Variants in EPM2A observed in about 807,000 individuals in gnomAD.
The protein encoded by EPM2A is laforin.
A neutral mutation model predicts 26.5 loss-of-function variants in EPM2A; 21 were observed. That is an observed-to-expected ratio of 0.79 (90% CI 0.56 to 1.14). The LOEUF is 1.14. EPM2A is among the 50% of genes most tolerant of loss of function. The pLI, the probability that EPM2A is intolerant of heterozygous loss-of-function variation, is 0.00. For missense variants in EPM2A, 458 were observed against 440.8 expected (o/e 1.04, Z -0.35); for synonymous variants, 217 against 177.6 (o/e 1.22, Z -1.76).
At chr6:145,615,752 ACT>A (rs1261289435) in intron 2 of EPM2A, among the ~76,000 whole-genome samples, 1 of 151,758 alleles carries the variant, frequency 6.6e-6, no homozygotes, top group Non-Finnish European at 1.5e-5. Context: ...AGTAAAGGTG[ACT>A]CTTGCTATGT....
intron 2 of EPM2A, among the ~76,000 whole-genome samples, chr6:145,502,977 A>G (rs1779914538): frequency 6.6e-6 from 1 of 152,212 alleles, no homozygotes; most frequent in Admixed American, 6.5e-5. Context: ...AAATGAAAGG[A>G]CAATTAATTT....
chr6:145,702,540 T>C (rs963956848), intron 1 of EPM2A, among the ~76,000 whole-genome samples: 2 of 152,170 alleles, frequency 1.3e-5, no homozygotes, highest in Non-Finnish European at 2.9e-5. Flanking sequence ...TTCAATGAGA[T>C]AATCCATTTA....
At chr6:145,689,094 T>C (rs1781114705) in intron 1 of EPM2A, among the ~76,000 whole-genome samples, 1 of 152,258 alleles carries the variant, frequency 6.6e-6, no homozygotes. Flanking sequence ...GAATTATTTA[T>C]GTGTCATCAT....
intron 2 of EPM2A, among the ~76,000 whole-genome samples, chr6:145,602,324 C>T: frequency 6.6e-6 from 1 of 152,140 alleles, no homozygotes; most frequent in East Asian, 1.9e-4. Flanking sequence ...TTATACATGT[C>T]ACATTATGAA....
intron 4 of EPM2A, among the ~76,000 whole-genome samples, chr6:145,434,451 C>A (rs1330294764): frequency 6.6e-6 from 1 of 152,110 alleles, no homozygotes; most frequent in South Asian, 2.1e-4. Context: ...CTTGTGAGAT[C>A]TGGTTGTTTA....
intron 4 of EPM2A, among the ~76,000 whole-genome samples, chr6:145,442,303 G>T (rs567349712): frequency 8.0e-4 from 122 of 151,958 alleles, no homozygotes; most frequent in Non-Finnish European, 1.5e-3. Context: ...CCCCACTCCC[G>T]GTACCAATTT....
At chr6:145,524,783 CT>C (rs1310896420) in intron 2 of EPM2A, among the ~76,000 whole-genome samples, 2 of 152,030 alleles carry the variant, frequency 1.3e-5, no homozygotes, top group African/African-American at 4.8e-5. Flanking sequence ...TTAGGCACTA[CT>C]TGCTGACTTT....
At chr6:145,534,145 A>T (rs368848) in intron 2 of EPM2A, among the ~76,000 whole-genome samples, 67,417 of 151,722 alleles carry the variant, frequency 0.44, 14,969 homozygotes, top group South Asian at 0.58. Context: ...GTTGAAGTGA[A>T]TTTACTCACA....
intron 2 of EPM2A, among the ~76,000 whole-genome samples, chr6:145,512,904 C>T (rs1780075794): frequency 6.6e-6 from 1 of 151,772 alleles, no homozygotes; most frequent in South Asian, 2.1e-4. Flanking sequence ...TCACCATATA[C>T]AAAAATTAAC....
At chr6:145,682,146 TTGAAGGCAAG>T (rs1165251382) in intron 2 of EPM2A, among the ~76,000 whole-genome samples, 1 of 152,118 alleles carries the variant, frequency 6.6e-6, no homozygotes, top group Non-Finnish European at 1.5e-5. Context: ...ACAATCACGG[TTGAAGGCAAG>T]GAAGAGCAAG....
At chr6:145,600,032 A>C (rs1781396796) in intron 2 of EPM2A, among the ~76,000 whole-genome samples, 1 of 152,142 alleles carries the variant, frequency 6.6e-6, no homozygotes, top group African/African-American at 2.4e-5. Context: ...TATAAAAATG[A>C]TATTGAATTT....
chr6:145,689,241 T>C (rs1781123956), intron 1 of EPM2A, among the ~76,000 whole-genome samples: 1 of 152,212 alleles, frequency 6.6e-6, no homozygotes, highest in African/African-American at 2.4e-5. Flanking sequence ...ATAATTAAAA[T>C]GTCTTTTAGA....
At chr6:145,502,726 G>A (rs994871760) in intron 2 of EPM2A, among the ~76,000 whole-genome samples, 2 of 152,168 alleles carry the variant, frequency 1.3e-5, no homozygotes, top group Non-Finnish European at 1.5e-5. Context: ...TAGCAAATTA[G>A]AAGTGCTTAA....
chr6:145,644,432 T>C (rs916954249), intron 2 of EPM2A, among the ~76,000 whole-genome samples: 2 of 152,170 alleles, frequency 1.3e-5, no homozygotes, highest in Non-Finnish European at 2.9e-5. Context: ...AATTGTGCTA[T>C]ATTTTGAAAA....
chr6:145,433,254 C>T (rs1324838845), intron 4 of EPM2A, among the ~76,000 whole-genome samples: 1 of 152,074 alleles, frequency 6.6e-6, no homozygotes, highest in African/African-American at 2.4e-5. Context: ...AGCTTTTGGC[C>T]CATCTCAGAT....
At chr6:145,565,636 C>T (rs1438078338) in intron 2 of EPM2A, among the ~76,000 whole-genome samples, 5 of 152,138 alleles carry the variant, frequency 3.3e-5, no homozygotes, top group African/African-American at 1.2e-4. Flanking sequence ...AATCCAGGGA[C>T]CCAGAAAGGA....
At chr6:145,731,776 A>G (rs1776501461) in intron 1 of EPM2A, among the ~76,000 whole-genome samples, 1 of 152,158 alleles carries the variant, frequency 6.6e-6, no homozygotes. Context: ...AACAACAAAA[A>G]AAAGAGAAAG....
rs75034969 is a variant in EPM2A, at chr6:145,533,901, G to A, written c.341-31326C>T. Among the ~76,000 whole-genome samples, 1,063 of 151,982 alleles carry A rather than the reference G, an allele frequency of 7.0e-3. 10 individuals are homozygous for A. Among genetic ancestry groups the A allele is most frequent in the African/African-American group, 0.024 (977 of 41,426 alleles). On this transcript the variant is annotated intron_variant, in intron 2 of 3. Transcript: ENST00000450221. ...AGATTCAGGATAGATTGCATCTTGA[G>A]CTACCTGGTATATTGGTGTATCTCT... is the stretch of plus-strand genomic sequence containing the variant.
intron 2 of EPM2A, among the ~76,000 whole-genome samples, chr6:145,614,614 T>C (rs959133814): frequency 1.9e-4 from 29 of 152,174 alleles, no homozygotes; most frequent in Admixed American, 4.6e-4. Context: ...TTAACTGGCT[T>C]AATTTCAGGA....
Sources: gnomAD v4.1 joint callset for allele counts (sites outside exome capture counted in the v4.1 genomes callset) on GRCh38, gnomAD v4.1.1 for gene constraint, MANE v1.5 for transcripts, NCBI Gene and HGNC (gene_info 2026-07-23, HGNC 2026-07-21) for gene names.